Variants in LYSMD1 observed in about 807,000 individuals in gnomAD.
LYSMD1 encodes the protein LysM domain containing 1.
A neutral mutation model predicts 19.3 loss-of-function variants in LYSMD1; 9 were observed. The ratio of observed to expected loss-of-function variants is 0.47; its 90% CI spans 0.28 to 0.81. The LOEUF (loss-of-function observed/expected upper bound fraction) is 0.81. LYSMD1 is among the 40% of genes least tolerant of loss of function. The pLI is 0.11. For synonymous variants in LYSMD1, 111 were observed against 111.7 expected (o/e 0.99, Z 0.04); for missense variants, 262 against 279.8 (o/e 0.94, Z 0.45).
chr1:151,159,528 T>C, downstream of LYSMD1: 1 of 382,104 alleles, frequency 2.6e-6, no homozygotes, highest in Non-Finnish European at 5.1e-6. Flanking sequence ...TCTCTATTTC[T>C]CCCATAAGGG....
the LYSMD1 span, among the ~76,000 whole-genome samples, chr1:151,151,381 A>C: frequency 6.9e-6 from 1 of 145,136 alleles, no homozygotes; most frequent in African/African-American, 2.6e-5. Context: ...TTGTATTTTC[A>C]GTAGACACAG....
At chr1:151,158,753 G>GT, downstream of LYSMD1, 1 of 1,613,784 alleles carries the variant, frequency 6.2e-7, no homozygotes, top group Non-Finnish European at 8.5e-7. Flanking sequence ...AAGCTACTGA[G>GT]TAAGATGGCG....
chr1:151,158,822 T>A, downstream of LYSMD1: 1 of 1,614,058 alleles, frequency 6.2e-7, no homozygotes, highest in Non-Finnish European at 8.5e-7. Flanking sequence ...CTAGATGAGC[T>A]CTACCGTGTG....
At chr1:151,158,739 G>A, downstream of LYSMD1, 2 of 1,612,574 alleles carry the variant, frequency 1.2e-6, no homozygotes, top group East Asian at 2.2e-5. Context: ...TGCAAGCAGA[G>A]AAGAAGCTAC....
At chr1:151,149,060 T>C in the LYSMD1 span, among the ~76,000 whole-genome samples, 9 of 152,020 alleles carry the variant, frequency 5.9e-5, no homozygotes, top group Non-Finnish European at 1.3e-4. Context: ...TAGAAAGAAA[T>C]ACATGAATCT....
At chr1:151,149,514 C>T in the LYSMD1 span, among the ~76,000 whole-genome samples, 5 of 152,200 alleles carry the variant, frequency 3.3e-5, no homozygotes, top group African/African-American at 1.2e-4. Context: ...CTTTGGGAGG[C>T]TGAGGCGGGT....
chr1:151,164,662 C>T (rs1324209954), intron 1 of LYSMD1, among the ~76,000 whole-genome samples: 1 of 152,196 alleles, frequency 6.6e-6, no homozygotes, highest in Non-Finnish European at 1.5e-5. Flanking sequence ...TTTAATCACT[C>T]TCAACATAAA....
downstream of LYSMD1, among the ~76,000 whole-genome samples, chr1:151,157,781 A>T (rs77703424): frequency 1.5e-3 from 235 of 152,352 alleles, 1 homozygote; most frequent in Admixed American, 6.5e-3. Flanking sequence ...AAGCACTTGC[A>T]TATAGTAGGT....
At chr1:151,156,233 C>T (rs1683219296), downstream of LYSMD1, among the ~76,000 whole-genome samples, 1 of 151,804 alleles carries the variant, frequency 6.6e-6, no homozygotes. Context: ...TTCCTCCCTT[C>T]AGTATTAAGG....
downstream of LYSMD1, chr1:151,158,762 CG>C (rs879883516): frequency 1.4e-5 from 23 of 1,613,496 alleles, no homozygotes; most frequent in Non-Finnish European, 1.9e-5. Context: ...AGTAAGATGG[CG>C]GGTCGCTCTG....
chr1:151,161,806 T>G lies in LYSMD1; in HGVS notation c.475A>C (p.Lys159Gln). 1 of 1,612,816 alleles carries G rather than the reference T, an allele frequency of 6.2e-7. No homozygotes were observed. Among genetic ancestry groups the G allele is most frequent in the Non-Finnish European group, 8.5e-7 (1 of 1,179,670 alleles). The stretch of plus-strand genomic sequence containing the variant: ...AGGCTGATCTGTGAATCAAGCTTCT[T>G]AAGGAAATCAGAGGCAGAGAGGTCA... ...IHDLSASDFL[K>Q]KLDSQISLSK... The change falls in exon 2 of 3, where the codon AAG becomes CAG. Residue 159 changes from lysine to glutamine, a missense_variant. Physicochemically the swap from Lys to Gln is moderately conservative, Grantham distance 53 (BLOSUM62 1). Transcript: ENST00000368908.
downstream of LYSMD1, chr1:151,159,566 A>C: frequency 6.6e-6 from 2 of 304,776 alleles, no homozygotes; most frequent in Non-Finnish European, 1.3e-5. Flanking sequence ...GCCCCCTCCC[A>C]TGTGAACCAA....
chr1:151,162,058 A>C lies in LYSMD1; in HGVS notation c.223T>G (p.Ser75Ala). Residue 75 changes from serine (S) to alanine (A), a missense_variant, in exon 2 of 3, where the codon TCC (serine) becomes GCC (alanine). By Grantham distance (99) the Ser-to-Ala change is moderately conservative (BLOSUM62 1). Coordinates refer to ENST00000368908, the MANE Select transcript of LYSMD1 (RefSeq NM_212551.5). Reference protein sequence around the residue: ...KRANRLYTNDSIFLKKTLYIP... With the variant: ...KRANRLYTNDAIFLKKTLYIP... ...TAGAGGGTTTTCTTCAGGAAGATGG[A>C]GTCATTAGTATAAAGGCGGTTTGCA... The C allele has an allele frequency of 6.2e-7, 1 of 1,611,618 alleles. No homozygotes were observed. The highest frequency in any genetic ancestry group is 8.5e-7 in the Non-Finnish European group (1 of 1,179,414).
Position 151,165,361 on chromosome 1 carries a change from T to TC in LYSMD1, c.-104dup, listed in dbSNP as rs1173426019. 2.1e-5 allele frequency: 31 copies of TC among 1,504,948 alleles called. No homozygotes were observed. Among genetic ancestry groups the TC allele is most frequent in the African/African-American group, 7.0e-5 (5 of 71,666 alleles). 93.2% of individuals were successfully genotyped at this position (1,504,948 alleles called of 1,614,324 possible). A position where few individuals can be genotyped will look rare whatever the true frequency, so the allele number is the denominator to read the frequency against. ...GGAATGAATATTCAGGGGATTCCTT[T>TC]CCCCCTCTCTCTTCCCCTGTGTCCC... On this transcript the variant is annotated 5_prime_UTR_variant, in exon 1 of 3. Coordinates refer to ENST00000368908, the MANE Select transcript of LYSMD1 (RefSeq NM_212551.5).
the LYSMD1 span, among the ~76,000 whole-genome samples, chr1:151,149,222 G>C: frequency 6.6e-6 from 1 of 151,726 alleles, no homozygotes; most frequent in Non-Finnish European, 1.5e-5. Context: ...AGAAACTCCA[G>C]CTCTGCTAAA....
chr1:151,148,579 A>G, the LYSMD1 span, among the ~76,000 whole-genome samples: 1 of 152,232 alleles, frequency 6.6e-6, no homozygotes, highest in Non-Finnish European at 1.5e-5. Flanking sequence ...TACATTGAAC[A>G]TAAATTTCCA....
rs1167320797 is a variant in LYSMD1, at chr1:151,161,925, T to G, written c.356A>C (p.His119Pro). ...VHPSNSEVWP[H>P]STERKKQETG... ...CTCTTGTTTCTTCCTCTCAGTTGAG[T>G]GTGGCCAAACTTCACTGTTACTTGG... The change falls in exon 2 of 3, where the codon CAC (histidine) becomes CCC (proline). Residue 119 changes from histidine to proline, a missense_variant. Coordinates refer to ENST00000368908, the MANE Select transcript of LYSMD1 (RefSeq NM_212551.5). 1 of 1,613,986 alleles carries G rather than the reference T, an allele frequency of 6.2e-7. No homozygotes were observed. The highest frequency in any genetic ancestry group is 1.3e-5 in the African/African-American group (1 of 74,882).
chr1:151,149,661 G>A, the LYSMD1 span, among the ~76,000 whole-genome samples: 2 of 151,862 alleles, frequency 1.3e-5, no homozygotes, highest in Admixed American at 6.6e-5. Context: ...TGAGGCAGGA[G>A]AATTGCTTGA....
At chr1:151,150,044 G>A in the LYSMD1 span, among the ~76,000 whole-genome samples, 1 of 152,066 alleles carries the variant, frequency 6.6e-6, no homozygotes, top group Non-Finnish European at 1.5e-5. Context: ...ACTGTAAGTT[G>A]TATGCAGTCC....
Sources: allele counts gnomAD v4.1 joint callset (sites outside exome capture counted in the v4.1 genomes callset), GRCh38; gene constraint gnomAD v4.1.1; transcripts MANE v1.5; gene names NCBI Gene and HGNC (gene_info 2026-07-23, HGNC 2026-07-21).